Variants in PRKDC observed in about 807,000 individuals in gnomAD.
The protein encoded by PRKDC is DNA-dependent protein kinase catalytic subunit.
A neutral mutation model predicts 486.9 loss-of-function variants in PRKDC; 82 were observed. The observed-to-expected ratio is 0.17, with a 90% CI of 0.14 to 0.20. The LOEUF (loss-of-function observed/expected upper bound fraction) is 0.20. Among genes scored for constraint, PRKDC ranks in the 10% least tolerant of loss-of-function variants. The pLI is 1.00. For synonymous variants in PRKDC, 1,895 were observed against 1,837.0 expected (o/e 1.03, Z -0.81); for missense variants, 4,504 against 5,038.2 (o/e 0.89, Z 3.21).
chr8:47,878,465 A>C (rs2089137849), intron 39 of PRKDC, among the ~76,000 whole-genome samples: 1 of 152,148 alleles, frequency 6.6e-6, no homozygotes, highest in African/African-American at 2.4e-5. Context: ...CTGAGAGTAC[A>C]TGGAGACGTG....
At chr8:47,795,501 T>C (rs1233384980) in intron 73 of PRKDC, among the ~76,000 whole-genome samples, 1 of 146,702 alleles carries the variant, frequency 6.8e-6, no homozygotes, top group East Asian at 2.0e-4. Flanking sequence ...TTTTTTTTTT[T>C]TTTTCTTTTG....
At chr8:47,889,387 C>A (rs8178096) in intron 32 of PRKDC, among the ~76,000 whole-genome samples, 165 bp from the exon 33 acceptor site, 230 of 152,342 alleles carry the variant, frequency 1.5e-3, no homozygotes, top group African/African-American at 5.2e-3. Flanking sequence ...GTGGGCTAGA[C>A]AGTCTCTGCT....
At chr8:47,939,492 G>A (rs961696116) in intron 11 of PRKDC, 59 bp downstream of exon 11, 27 of 1,543,672 alleles carry the variant, frequency 1.7e-5, no homozygotes, top group African/African-American at 2.7e-5. Flanking sequence ...CAATGAATTA[G>A]ATTCCTTTAA....
chr8:47,925,616 A>C (rs1400378342), intron 21 of PRKDC, among the ~76,000 whole-genome samples: 1 of 152,258 alleles, frequency 6.6e-6, no homozygotes, highest in Non-Finnish European at 1.5e-5. Context: ...ATATGTATCC[A>C]TGTTATTTTT....
Position 47,879,674 on chromosome 8 carries a change from G to C in PRKDC, c.5068-16C>G. 1 of 1,525,398 alleles carries C rather than the reference G, an allele frequency of 6.6e-7. No individual in the cohort carries two copies. 94.5% of individuals were successfully genotyped at this position (1,525,398 alleles called of 1,614,324 possible). A position where few individuals can be genotyped will look rare whatever the true frequency, so the allele number is the denominator to read the frequency against. On this transcript the variant is annotated splice_polypyrimidine_tract_variant and intron_variant, in intron 38 of 85. Transcript: ENST00000314191. ...CAGCTTGGCCCTGTGGAGCAAGACA[G>C]ACATAAGAAACTGCACGAATTATGG...
At chr8:47,815,145 C>CA (rs770232171) in intron 68 of PRKDC, among the ~76,000 whole-genome samples, 28 of 151,284 alleles carry the variant, frequency 1.9e-4, no homozygotes, top group Non-Finnish European at 3.7e-4. Context: ...GACCCTGTCT[C>CA]AAAAAAAAGA....
At chr8:47,779,300 T>G in intron 80 of PRKDC, 1 of 452,362 alleles carries the variant, frequency 2.2e-6, no homozygotes, top group Non-Finnish European at 3.9e-6. Context: ...TAATTACTCC[T>G]AAAGAAATCC....
chr8:47,930,906 C>A, intron 16 of PRKDC, 119 bp from the exon 17 acceptor site: 1 of 928,726 alleles, frequency 1.1e-6, no homozygotes, highest in Admixed American at 3.0e-5. Flanking sequence ...ATTGCAACAG[C>A]GAGAAAGACC....
At chr8:47,881,655 T>C (rs2154501505) in intron 37 of PRKDC, 135 bp from the exon 38 acceptor site, 1 of 634,778 alleles carries the variant, frequency 1.6e-6, no homozygotes, top group Non-Finnish European at 2.6e-6. Flanking sequence ...TTTCACAATC[T>C]TATTGTAAAA....
chr8:47,853,655 C>A (rs566648717), intron 51 of PRKDC, among the ~76,000 whole-genome samples: 179 of 152,274 alleles, frequency 1.2e-3, no homozygotes, highest in African/African-American at 4.1e-3. Flanking sequence ...GAGGGGCCTG[C>A]ATTACTTTTG....
chr8:47,931,320 G>A (rs2154503584), intron 16 of PRKDC, among the ~76,000 whole-genome samples: 1 of 152,180 alleles, frequency 6.6e-6, no homozygotes, highest in South Asian at 2.1e-4. Context: ...GGAGGAGGAG[G>A]CTGGAGACCA....
chr8:47,896,770 T>C (rs372840181), intron 30 of PRKDC, among the ~76,000 whole-genome samples: 1 of 152,174 alleles, frequency 6.6e-6, no homozygotes, highest in Admixed American at 6.5e-5. Context: ...AAGGCAGGGC[T>C]TGATCTGTCC....
At chr8:47,851,699 C>T (rs1486650794) in intron 52 of PRKDC, among the ~76,000 whole-genome samples, 10 of 152,142 alleles carry the variant, frequency 6.6e-5, no homozygotes, top group African/African-American at 2.4e-4. Flanking sequence ...CTGGACGAGG[C>T]GGGCAGGGGA....
intron 36 of PRKDC, among the ~76,000 whole-genome samples, chr8:47,884,770 A>G (rs181392030): frequency 3.9e-5 from 6 of 152,366 alleles, no homozygotes; most frequent in Non-Finnish European, 5.9e-5. Context: ...ATCAACAGTT[A>G]ACAGTTTCTG....
rs559083676 is a variant in PRKDC at position 47,782,688 on chromosome 8, G to A, written c.11176-90C>T. On this transcript the variant is annotated intron_variant, in intron 78 of 85. Coordinates refer to ENST00000314191, the MANE Select transcript of PRKDC (RefSeq NM_006904.7). This position sits in a 1 kb window ranked among gnomAD's most constrained non-coding sequence, Gnocchi z 4.9. ...CCAGAGTGGCTGTGAGCATTCCTCCGTGGGGCCGCCCTCTGAAGACAGTGC... is the reference window on the plus strand; with the variant it reads ...CCAGAGTGGCTGTGAGCATTCCTCCATGGGGCCGCCCTCTGAAGACAGTGC... 15 of 1,390,774 alleles carry A rather than the reference G, an allele frequency of 1.1e-5. 1 individual carries two copies. Among genetic ancestry groups the A allele is most frequent in the South Asian group, 2.7e-5 (2 of 75,202 alleles). 86.2% of individuals were successfully genotyped at this position (1,390,774 alleles called of 1,614,324 possible). A position where few individuals can be genotyped will look rare whatever the true frequency, so the allele number is the denominator to read the frequency against.
chr8:47,774,490 T>A, intron 85 of PRKDC, 113 bp from the exon 86 acceptor site: 5 of 985,494 alleles, frequency 5.1e-6, no homozygotes, highest in Non-Finnish European at 7.4e-6. Context: ...CACAGAGTAT[T>A]TTCTGTGGCT....
intron 10 of PRKDC, among the ~76,000 whole-genome samples, chr8:47,940,716 G>A (rs989368679): frequency 1.3e-5 from 2 of 152,094 alleles, no homozygotes; most frequent in Admixed American, 6.6e-5. Flanking sequence ...TGTTTTTAAC[G>A]CATCTTTATT....
chr8:47,956,602 C>T (rs891171743), intron 3 of PRKDC, among the ~76,000 whole-genome samples: 9 of 151,380 alleles, frequency 5.9e-5, no homozygotes, highest in African/African-American at 1.9e-4. Flanking sequence ...ACTTGGGAGG[C>T]TGAGGTGTGA....
intron 29 of PRKDC, among the ~76,000 whole-genome samples, chr8:47,897,860 A>T (rs2089610184): frequency 6.6e-6 from 1 of 152,236 alleles, no homozygotes; most frequent in South Asian, 2.1e-4. Flanking sequence ...TCCAGTCCAC[A>T]TGGGACTGTG....
Sources: gnomAD v4.1 joint callset for allele counts (sites outside exome capture counted in the v4.1 genomes callset) on GRCh38, gnomAD v4.1.1 for gene constraint, Gnocchi (gnomAD v3.1) non-coding constraint, MANE v1.5 for transcripts, NCBI Gene and HGNC (gene_info 2026-07-23, HGNC 2026-07-21) for gene names.